Variants in NFIC observed in about 807,000 individuals in gnomAD.
NFIC encodes nuclear factor I C, also known as nuclear factor 1 C-type.
In NFIC, 12 loss-of-function variants were observed where a neutral mutation model predicts 54.4. The observed-to-expected ratio is 0.22, with a 90% CI of 0.14 to 0.36. NFIC has a LOEUF of 0.36. NFIC is among the 10% of genes least tolerant of loss of function. The pLI, the probability that NFIC is intolerant of heterozygous loss-of-function variation, is 1.00. For synonymous variants in NFIC, 322 were observed against 319.2 expected (o/e 1.01, Z -0.09); for missense variants, 575 against 718.2 (o/e 0.80, Z 2.28).
At chr19:3,447,387 C>A (rs1470445026) in intron 6 of NFIC, among the ~76,000 whole-genome samples, 2 of 151,870 alleles carry the variant, frequency 1.3e-5, no homozygotes, top group Non-Finnish European at 2.9e-5. Context: ...CCTGGAAATA[C>A]CCAAAATGGC....
At chr19:3,422,483 C>T (rs958394570) in intron 2 of NFIC, among the ~76,000 whole-genome samples, 4 of 151,162 alleles carry the variant, frequency 2.6e-5, no homozygotes, top group South Asian at 2.1e-4. Flanking sequence ...TTTGGGAGGC[C>T]GAGGCGGGCG....
chr19:3,428,817 C>T (rs1233047816), intron 3 of NFIC, among the ~76,000 whole-genome samples: 2 of 150,410 alleles, frequency 1.3e-5, no homozygotes, highest in South Asian at 2.2e-4. Context: ...AAACCCCGGT[C>T]GGGGGAGGCG....
At chr19:3,363,374 C>T (rs539912806), upstream of NFIC, among the ~76,000 whole-genome samples, 14 of 148,966 alleles carry the variant, frequency 9.4e-5, no homozygotes, top group East Asian at 1.6e-3. Context: ...CGAGTTCAAG[C>T]GAACCTCCAG....
intron 1 of NFIC, among the ~76,000 whole-genome samples, chr19:3,377,730 G>A (rs1453530009): frequency 6.6e-6 from 1 of 151,938 alleles, no homozygotes; most frequent in African/African-American, 2.4e-5. Context: ...TCCCACCTCA[G>A]CCTCCTAAGT....
Position 3,463,953 on chromosome 19 carries a change from C to T in NFIC, c.*1184C>T. ...CAGCCCCTCCAGTCAACCCTCATCG[C>T]CGTGCCCCCCCAGAGCTAGAGAGAT... On this transcript the variant is annotated 3_prime_UTR_variant, in exon 11 of 11. Coordinates refer to ENST00000443272, the MANE Select transcript of NFIC (RefSeq NM_001245002.2). 2.0e-6 allele frequency: 2 copies of T among 984,994 alleles called. No homozygotes were observed. Among genetic ancestry groups the T allele is most frequent in the Non-Finnish European group, 2.4e-6 (2 of 829,770 alleles). 61.0% of individuals were successfully genotyped at this position (984,994 alleles called of 1,614,324 possible).
At chr19:3,365,949 C>A (rs2080874682), upstream of NFIC, among the ~76,000 whole-genome samples, 1 of 152,170 alleles carries the variant, frequency 6.6e-6, no homozygotes, top group Non-Finnish European at 1.5e-5. Flanking sequence ...TGCTGTGGGA[C>A]CAGCTCACCG....
chr19:3,394,519 A>ACCCCCC (rs138210089), intron 2 of NFIC, among the ~76,000 whole-genome samples: 3 of 47,352 alleles, frequency 6.3e-5, no homozygotes, highest in African/African-American at 2.7e-4. Context: ...TCTTTTCCCC[A>ACCCCCC]CCCACCCCCC....
At position 3,435,201 on chromosome 19, in the gene NFIC, G is replaced by A. The variant is rs1022404916; in HGVS notation, c.952G>A (p.Glu318Lys). The change falls in exon 6 of 11, where the codon GAA (glutamate) becomes AAA (lysine). Residue 318 changes from glutamate (E) to lysine (K), a missense_variant. Glu to Lys is a moderately conservative substitution (Grantham distance 56, BLOSUM62 1). Transcript: ENST00000443272. ...SSSRNWTEDM[E>K]GGISSPVKKT... ...CAGCCGCAACTGGACGGAGGACATGGAAGGAGGTAGGGCTGGTGGCGGGGG... is the reference window on the plus strand; with the variant it reads ...CAGCCGCAACTGGACGGAGGACATGAAAGGAGGTAGGGCTGGTGGCGGGGG... 2 of 1,600,488 alleles carry A rather than the reference G, an allele frequency of 1.2e-6. No homozygotes were observed. The highest frequency in any genetic ancestry group is 8.5e-7 in the Non-Finnish European group (1 of 1,172,606).
Position 3,464,141 on chromosome 19 carries a change from C to G in NFIC, c.*1372C>G. 2 of 985,298 alleles carry G rather than the reference C, an allele frequency of 2.0e-6. No homozygotes were observed. Among genetic ancestry groups the G allele is most frequent in the Non-Finnish European group, 2.4e-6 (2 of 829,886 alleles). The allele number at this position is 985,298 out of a possible 1,614,324, so 61.0% of individuals were successfully genotyped here. ...GACCCCCCTCCCTGGTGCCTCCCAG[C>G]GAAGGGGGACCGCCGTTTGCACTTT... On this transcript the variant is annotated 3_prime_UTR_variant, in exon 11 of 11. Transcript: ENST00000443272.
chr19:3,398,857 C>A (rs535069248), intron 2 of NFIC, among the ~76,000 whole-genome samples: 2 of 152,342 alleles, frequency 1.3e-5, no homozygotes, highest in South Asian at 4.1e-4. Flanking sequence ...CGGCGTCCCC[C>A]GCGGCTCCCT....
At position 3,452,066 on chromosome 19, in the gene NFIC, G is replaced by T. The variant is rs1323903289; in HGVS notation, c.1085-416G>T. Among the ~76,000 whole-genome samples the T allele has an allele frequency of 7.0e-6, 1 of 143,782 alleles. No homozygotes were observed. Among genetic ancestry groups the T allele is most frequent in the African/African-American group, 2.6e-5 (1 of 38,446 alleles). 94.3% of individuals were successfully genotyped at this position (143,782 alleles called of 152,430 possible). A position where few individuals can be genotyped will look rare whatever the true frequency, so the allele number is the denominator to read the frequency against. On this transcript the variant is annotated intron_variant, in intron 7 of 10. Transcript: ENST00000443272. This position sits in a 1 kb window ranked among gnomAD's most constrained non-coding sequence, Gnocchi z 5.3. The stretch of plus-strand genomic sequence containing the variant: ...GAGGTGGAGGTTGCAGTGAGCTGAG[G>T]TCATACCACTGCACTCCAGCCTGGG...
intron 5 of NFIC, 37 bp downstream of exon 5, chr19:3,434,437 A>AC (rs1568180135): frequency 6.4e-7 from 1 of 1,555,464 alleles, no homozygotes; most frequent in Non-Finnish European, 8.7e-7. Flanking sequence ...GCATTTCATG[A>AC]CCCCATTCAT....
intron 1 of NFIC, among the ~76,000 whole-genome samples, chr19:3,360,485 C>T (rs1469376157): frequency 6.6e-6 from 1 of 151,806 alleles, no homozygotes; most frequent in Non-Finnish European, 1.5e-5. Flanking sequence ...GTGCGCACCT[C>T]GAGGGGTGCG....
At chr19:3,386,611 C>T (rs1409697916) in intron 2 of NFIC, among the ~76,000 whole-genome samples, 2 of 152,112 alleles carry the variant, frequency 1.3e-5, no homozygotes, top group Non-Finnish European at 2.9e-5. Flanking sequence ...GCGTGAGCCA[C>T]CGCGCCCGGC....
chr19:3,463,383 A>G lies in NFIC; in HGVS notation c.*614A>G, dbSNP rs1036997216. Reference sequence around the variant, plus strand: ...CCCGGCCGGGCAGCGGAGACCGCAGAGGCGGGCAGGGTGGGGCAGGCGAGT... The same window carrying G: ...CCCGGCCGGGCAGCGGAGACCGCAGGGGCGGGCAGGGTGGGGCAGGCGAGT... On this transcript the variant is annotated 3_prime_UTR_variant, in exon 11 of 11. Transcript: ENST00000443272. The G allele has an allele frequency of 4.1e-6, 4 of 985,906 alleles. No homozygotes were observed. The highest frequency in any genetic ancestry group is 4.8e-6 in the Non-Finnish European group (4 of 830,376). 61.1% of individuals were successfully genotyped at this position (985,906 alleles called of 1,614,324 possible).
chr19:3,424,579 G>A (rs2081999555), intron 2 of NFIC, among the ~76,000 whole-genome samples: 1 of 151,040 alleles, frequency 6.6e-6, no homozygotes, highest in Non-Finnish European at 1.5e-5. Flanking sequence ...GTTTCACCAT[G>A]TTGGCCAGTC....
intron 1 of NFIC, 138 bp from the exon 2 acceptor site, chr19:3,381,574 C>G: frequency 7.6e-7 from 1 of 1,323,494 alleles, no homozygotes. Flanking sequence ...CCGCAGCGAC[C>G]CCCTGCCCAC....
chr19:3,455,865 A>T (rs2082546465), intron 9 of NFIC, among the ~76,000 whole-genome samples: 1 of 152,102 alleles, frequency 6.6e-6, no homozygotes. Context: ...CTTTCCCTGC[A>T]CCGGGGCTCT....
intron 6 of NFIC, among the ~76,000 whole-genome samples, chr19:3,438,429 C>CTTTTT (rs59788026): frequency 8.1e-5 from 10 of 124,098 alleles, no homozygotes; most frequent in Non-Finnish European, 1.5e-4. Context: ...CTGAGGGTTT[C>CTTTTT]TTTTTTTTTT....
Sources: allele counts gnomAD v4.1 joint callset (sites outside exome capture counted in the v4.1 genomes callset), GRCh38; gene constraint gnomAD v4.1.1; non-coding constraint Gnocchi (gnomAD v3.1); transcripts MANE v1.5; gene names NCBI Gene and HGNC (gene_info 2026-07-23, HGNC 2026-07-21).